Variants in THSD7B observed in about 807,000 individuals in gnomAD.
THSD7B encodes thrombospondin type 1 domain containing 7B, also known as thrombospondin type-1 domain-containing protein 7B.
In THSD7B, 138 loss-of-function variants were observed where a neutral mutation model predicts 213.6. That is an observed-to-expected ratio of 0.65 (90% CI 0.56 to 0.74). The LOEUF (loss-of-function observed/expected upper bound fraction) is 0.74. Ranked by LOEUF, THSD7B falls within the 30% of genes least tolerant of loss-of-function variation. The pLI is 0.00. For synonymous variants in THSD7B, 742 were observed against 687.0 expected, an observed-to-expected ratio of 1.08 and a Z score of -1.25; for missense variants, 1,931 against 1,991.5, an observed-to-expected ratio of 0.97 and a Z score of 0.58.
At chr2:137,341,284 T>A (rs1472333633) in intron 12 of THSD7B, among the ~76,000 whole-genome samples, 1 of 151,662 alleles carries the variant, frequency 6.6e-6, no homozygotes, top group Non-Finnish European at 1.5e-5. Context: ...GCCCATTTTT[T>A]AATTTTTGTT....
intron 12 of THSD7B, among the ~76,000 whole-genome samples, chr2:137,311,831 C>T (rs201470852): frequency 0.055 from 8,179 of 147,504 alleles, 313 homozygotes; most frequent in East Asian, 0.1. Context: ...TATATTGAAC[C>T]AGCCTTGCAT....
intron 2 of THSD7B, among the ~76,000 whole-genome samples, chr2:137,012,303 A>G (rs1424655088): frequency 6.6e-6 from 1 of 152,152 alleles, no homozygotes; most frequent in Non-Finnish European, 1.5e-5. Flanking sequence ...GACCACTTTA[A>G]AAATATGGTC....
At chr2:136,937,294 C>T (rs1684752020) in intron 2 of THSD7B, among the ~76,000 whole-genome samples, 1 of 151,792 alleles carries the variant, frequency 6.6e-6, no homozygotes, top group Admixed American at 6.6e-5. Flanking sequence ...GCCACATCAC[C>T]TCCTTCCCTC....
Position 137,376,315 on chromosome 2 carries a change from C to G in THSD7B, c.2501-29298C>G, listed in dbSNP as rs566615251. On this transcript the variant is annotated intron_variant, in intron 12 of 27. Coordinates refer to ENST00000409968, the MANE Select transcript of THSD7B (RefSeq NM_001316349.2). ...CACAGGCTTTTTAAGAATATTACTTCTCATACTTCAAGAATAAGTACATTT... is the reference window on the plus strand; with the variant it reads ...CACAGGCTTTTTAAGAATATTACTTGTCATACTTCAAGAATAAGTACATTT... Among the ~76,000 whole-genome samples the G allele has an allele frequency of 2.0e-5, 3 of 152,232 alleles. No homozygotes were observed. The South Asian group carries it at 6.2e-4, about 32-fold the overall frequency.
intron 5 of THSD7B, among the ~76,000 whole-genome samples, chr2:137,129,332 C>A (rs1405065173): frequency 1.3e-5 from 2 of 152,106 alleles, no homozygotes; most frequent in African/African-American, 4.8e-5. Flanking sequence ...ATAATTTAGA[C>A]CCTGTTGCTG....
chr2:137,483,307 G>T (rs895717022), intron 15 of THSD7B, among the ~76,000 whole-genome samples: 1 of 152,206 alleles, frequency 6.6e-6, no homozygotes, highest in Non-Finnish European at 1.5e-5. Flanking sequence ...TCTCAGGGAG[G>T]TTTAAGTAAT....
Position 137,663,378 on chromosome 2 carries a change from T to C in THSD7B, c.4459-5T>C, listed in dbSNP as rs1202103392. The stretch of plus-strand genomic sequence containing the variant: ...GTAACCATAAAAATATTCTTTATGC[T>C]GTAGGGTGGAGTCTGTGGTTGTGAG... On this transcript the variant is annotated splice_polypyrimidine_tract_variant and splice_region_variant and intron_variant, in intron 25 of 27. Transcript: ENST00000409968. 9 of 1,557,142 alleles carry C rather than the reference T, an allele frequency of 5.8e-6. No homozygotes were observed. The highest frequency in any genetic ancestry group is 2.3e-5 in the East Asian group (1 of 43,488).
intron 17 of THSD7B, among the ~76,000 whole-genome samples, chr2:137,591,753 T>C (rs1034290176): frequency 1.3e-5 from 2 of 151,930 alleles, no homozygotes; most frequent in African/African-American, 4.8e-5. Flanking sequence ...TTTATTCTTA[T>C]AGTTTGATGC....
chr2:137,150,501 C>G (rs995431077), intron 5 of THSD7B, among the ~76,000 whole-genome samples: 4 of 152,090 alleles, frequency 2.6e-5, no homozygotes, highest in Admixed American at 6.6e-5. Context: ...GGCTTCCCCC[C>G]CTACACTCTG....
At chr2:137,479,785 G>A (rs143767910) in intron 15 of THSD7B, among the ~76,000 whole-genome samples, 2 of 152,302 alleles carry the variant, frequency 1.3e-5, no homozygotes, top group African/African-American at 4.8e-5. Context: ...GCAGTATGTA[G>A]TAGTCTGATG....
chr2:137,584,544 A>G (rs1469418404), intron 17 of THSD7B, among the ~76,000 whole-genome samples: 1 of 152,192 alleles, frequency 6.6e-6, no homozygotes, highest in East Asian at 1.9e-4. Context: ...TTTTAGCATG[A>G]AGGGCTGTTG....
At chr2:137,602,602 A>G (rs900856688) in intron 17 of THSD7B, among the ~76,000 whole-genome samples, 1 of 152,142 alleles carries the variant, frequency 6.6e-6, no homozygotes, top group Non-Finnish European at 1.5e-5. Flanking sequence ...GGGAACTTCA[A>G]TATCAAGATG....
intron 15 of THSD7B, among the ~76,000 whole-genome samples, chr2:137,527,289 G>A (rs1448909): frequency 4.6e-5 from 7 of 152,170 alleles, no homozygotes; most frequent in South Asian, 2.1e-4. Flanking sequence ...ATTGGGGTGC[G>A]TGTGTGTATA....
intron 15 of THSD7B, among the ~76,000 whole-genome samples, chr2:137,469,398 A>G (rs1011427009): frequency 6.6e-6 from 1 of 152,214 alleles, no homozygotes; most frequent in African/African-American, 2.4e-5. Flanking sequence ...TTTGTAATGC[A>G]CATTATTCAG....
At chr2:137,118,263 T>A (rs1029647306) in intron 5 of THSD7B, among the ~76,000 whole-genome samples, 6 of 152,194 alleles carry the variant, frequency 3.9e-5, no homozygotes, top group African/African-American at 1.2e-4. Context: ...CTTCTTGCCT[T>A]TTCTCAAATA....
At chr2:136,998,960 C>CACACA (rs1558882067) in intron 2 of THSD7B, among the ~76,000 whole-genome samples, 5 of 114,298 alleles carry the variant, frequency 4.4e-5, no homozygotes, top group Admixed American at 2.5e-4. Context: ...ACACACACAC[C>CACACA]CCTGCTTTCT....
At chr2:137,133,624 A>G (rs1688780793) in intron 5 of THSD7B, among the ~76,000 whole-genome samples, 1 of 152,184 alleles carries the variant, frequency 6.6e-6, no homozygotes, top group African/African-American at 2.4e-5. Flanking sequence ...AGCACTGTCC[A>G]GCAGAAATTC....
chr2:137,115,097 T>C (rs1412440336), intron 4 of THSD7B, 27 bp from the exon 5 acceptor site: 4 of 1,613,688 alleles, frequency 2.5e-6, no homozygotes, highest in Non-Finnish European at 3.4e-6. Context: ...CTTCTTCTTC[T>C]TCTTTTAAAT....
intron 1 of THSD7B, among the ~76,000 whole-genome samples, chr2:136,784,374 A>G (rs190753341): frequency 9.2e-5 from 14 of 152,192 alleles, no homozygotes; most frequent in Admixed American, 5.9e-4. Context: ...TAGAACAACA[A>G]TGCTCTCTGA....
Sources: allele counts gnomAD v4.1 joint callset (sites outside exome capture counted in the v4.1 genomes callset), GRCh38; gene constraint gnomAD v4.1.1; transcripts MANE v1.5; gene names NCBI Gene and HGNC (gene_info 2026-07-23, HGNC 2026-07-21).